VPS35L: variants seen among roughly 807,000 people sequenced by gnomAD.
VPS35L encodes VPS35 endosomal protein sorting factor like.
In VPS35L, 83 loss-of-function variants were observed where a neutral mutation model predicts 133.0. That is an observed-to-expected ratio of 0.62 (90% CI 0.52 to 0.75). The LOEUF (loss-of-function observed/expected upper bound fraction) is 0.75, where lower values mean the gene tolerates loss of function less well. Among genes scored for constraint, VPS35L ranks in the 30% least tolerant of loss-of-function variants. The probability of loss-of-function intolerance (pLI) is 0.00; values close to 1 mark genes in which losing one functional copy is unlikely to be tolerated. For missense variants in VPS35L, 1,083 were observed against 1,206.8 expected (o/e 0.90, Z 1.52); for synonymous variants, 423 against 449.9 (o/e 0.94, Z 0.76).
chr16:19,611,565 G>A (rs1216874113), intron 12 of VPS35L, among the ~76,000 whole-genome samples: 3 of 152,198 alleles, frequency 2.0e-5, no homozygotes, highest in East Asian at 3.9e-4. Flanking sequence ...AGCAAATGTC[G>A]GAAGCCCTGT....
chr16:19,629,008 C>T (rs1321013107), intron 17 of VPS35L, among the ~76,000 whole-genome samples: 1 of 152,072 alleles, frequency 6.6e-6, no homozygotes, highest in African/African-American at 2.4e-5. Flanking sequence ...GTCAGGCTGT[C>T]TCAAATATCT....
chr16:19,555,719 T>G lies in VPS35L; in HGVS notation c.-11T>G. ...GACGGCCCCAGAACAAGCGGTCATG[T>G]GACTGGGAAGATGGCCGTCTTTCCT... On this transcript the variant is annotated 5_prime_UTR_variant, in exon 1 of 31. The change abolishes the stop of an existing upstream ORF in the 5' untranslated region. Transcript: ENST00000417362. The G allele has an allele frequency of 6.2e-7, 1 of 1,600,232 alleles. No individual in the cohort carries two copies. The highest frequency in any genetic ancestry group is 8.5e-7 in the Non-Finnish European group (1 of 1,173,374).
intron 3 of VPS35L, among the ~76,000 whole-genome samples, chr16:19,571,630 T>C (rs779934040): frequency 5.3e-5 from 8 of 152,068 alleles, no homozygotes; most frequent in Admixed American, 1.3e-4. Flanking sequence ...CTGTGACCTC[T>C]GTCTCCTGGG....
At chr16:19,589,719 T>C (rs1183272871) in intron 7 of VPS35L, among the ~76,000 whole-genome samples, 1 of 152,246 alleles carries the variant, frequency 6.6e-6, no homozygotes, top group African/African-American at 2.4e-5. Context: ...ATCTTATTCC[T>C]GTTGTCCTTT....
chr16:19,565,027 G>C, intron 2 of VPS35L, 77 bp downstream of exon 2: 1 of 1,143,012 alleles, frequency 8.7e-7, no homozygotes, highest in Non-Finnish European at 1.3e-6. Context: ...AGTCTTTTCC[G>C]TTTTGCCAGT....
At position 19,628,724 on chromosome 16, in the gene VPS35L, A is replaced by G; in HGVS notation, c.1471A>G (p.Lys491Glu). 6.3e-7 allele frequency: 1 copy of G among 1,590,432 alleles called. No individual in the cohort carries two copies. The highest frequency in any genetic ancestry group is 8.6e-7 in the Non-Finnish European group (1 of 1,164,060). The change falls in exon 17 of 31, where the codon AAA (lysine) becomes GAA (glutamate). Residue 491 changes from lysine to glutamate, a missense_variant. Coordinates refer to ENST00000417362, the MANE Select transcript of VPS35L (RefSeq NM_020314.7). The stretch of plus-strand genomic sequence containing the variant: ...ACTTCAGATTCTCAACGAAGCTTGG[A>G]AAGTCATCACTAAGCTGAAGAACCC... ...DRLQILNEAWKVITKLKNPQD... is the reference protein window; with the variant it reads ...DRLQILNEAWEVITKLKNPQD...
chr16:19,653,855 A>G (rs1272241054), intron 26 of VPS35L, among the ~76,000 whole-genome samples: 1 of 152,162 alleles, frequency 6.6e-6, no homozygotes, highest in African/African-American at 2.4e-5. Context: ...GTCTTCATAC[A>G]TGGTTACTGC....
intron 15 of VPS35L, among the ~76,000 whole-genome samples, chr16:19,626,636 C>G (rs1026121267): frequency 6.6e-6 from 1 of 152,058 alleles, no homozygotes; most frequent in African/African-American, 2.4e-5. Flanking sequence ...GTGGTGTATG[C>G]CTGTAGTCGC....
chr16:19,564,910 CA>C lies in VPS35L; in HGVS notation c.78del (p.Leu27TrpfsTer9). On this transcript the variant is annotated frameshift_variant, in exon 2 of 31. Coordinates refer to ENST00000417362, the MANE Select transcript of VPS35L (RefSeq NM_020314.7). LOFTEE classifies it high-confidence loss of function. ...EFASCRLEAVPLEFGDYHPLK... is the reference protein window; with the variant it reads ...EFASCRLEAVXLEFGDYHPLK... ...GCATCATGCCGACTGGAGGCTGTAC[CA>C]TTGGAGTTTGGGGACTATCACCCTC... 3 of 1,613,592 alleles carry C rather than the reference CA, an allele frequency of 1.9e-6. No homozygotes were observed. The highest frequency in any genetic ancestry group is 2.5e-6 in the Non-Finnish European group (3 of 1,179,642).
chr16:19,574,971 T>C (rs1035875286), intron 4 of VPS35L, 127 bp from the exon 5 acceptor site: 4 of 777,440 alleles, frequency 5.1e-6, no homozygotes, highest in Non-Finnish European at 2.0e-6. Flanking sequence ...CAGTGGTTTT[T>C]AGTGACTGTA....
At chr16:19,668,005 A>G (rs1415467428) in intron 26 of VPS35L, among the ~76,000 whole-genome samples, 1 of 152,114 alleles carries the variant, frequency 6.6e-6, no homozygotes, top group Non-Finnish European at 1.5e-5. Context: ...TTTCTGTGAC[A>G]TGTTTTTTTT....
At chr16:19,651,932 C>G (rs768459015) in intron 25 of VPS35L, 44 bp from the exon 26 acceptor site, 71 of 1,350,274 alleles carry the variant, frequency 5.3e-5, no homozygotes, top group Non-Finnish European at 7.3e-5. Context: ...TATGATTCTG[C>G]CACCGTTGCA....
Position 19,609,033 on chromosome 16 carries a change from C to T in VPS35L, c.929+12C>T, listed in dbSNP as rs374098528. The stretch of plus-strand genomic sequence containing the variant: ...TTCCTCTCCAAAACGTAAGGCTCTT[C>T]GGTAAAATCTAGAACCATAAAATTT... On this transcript the variant is annotated intron_variant, in intron 11 of 30. Transcript: ENST00000417362. The T allele has an allele frequency of 1.7e-5, 27 of 1,611,344 alleles. No homozygotes were observed. Among genetic ancestry groups the T allele is most frequent in the African/African-American group, 1.1e-4 (8 of 74,840 alleles).
At chr16:19,610,688 T>A (rs890974322) in intron 12 of VPS35L, 6 of 295,040 alleles carry the variant, frequency 2.0e-5, no homozygotes, top group Non-Finnish European at 3.7e-5. Flanking sequence ...AGTAATTGTT[T>A]CTCAGTTCTT....
At chr16:19,652,144 A>G (rs200856388) in intron 26 of VPS35L, 54 bp downstream of exon 26, 3 of 1,266,612 alleles carry the variant, frequency 2.4e-6, no homozygotes, top group East Asian at 5.0e-5. Context: ...AGGAAAACTG[A>G]CTCAGGTGTG....
chr16:19,625,111 G>A (rs1973220792), intron 14 of VPS35L, among the ~76,000 whole-genome samples: 1 of 152,148 alleles, frequency 6.6e-6, no homozygotes, highest in Non-Finnish European at 1.5e-5. Context: ...CGGAGGCGGG[G>A]AAAATAGACT....
In VPS35L at chr16:19,680,959, A is replaced by G. The variant is rs1975255084; in HGVS notation, c.2362-1266A>G. ...GGATGATTTGTGATGAAGAGAGAGT[A>G]AGAGGACTGCAGATGGAATGTCAGG... is the stretch of plus-strand genomic sequence containing the variant. On this transcript the variant is annotated intron_variant, in intron 27 of 30. Coordinates refer to ENST00000417362, the MANE Select transcript of VPS35L (RefSeq NM_020314.7). Among the ~76,000 whole-genome samples, 3 of 145,150 alleles carry G rather than the reference A, an allele frequency of 2.1e-5. No homozygotes were observed. The Admixed American group carries it at 2.1e-4, about 10-fold the overall frequency.
At position 19,682,300 on chromosome 16, in the gene VPS35L, A is replaced by G. The variant is rs1375799321; in HGVS notation, c.2437A>G (p.Asn813Asp). Residue 813 changes from asparagine to aspartate, a missense_variant, in exon 28 of 31, where the codon AAC becomes GAC. Asn to Asp is a conservative substitution (Grantham distance 23, BLOSUM62 1). Transcript: ENST00000417362. Reference protein sequence around the residue: ...NVIQDYTWEDNSDEKIRIYTC... With the variant: ...NVIQDYTWEDDSDEKIRIYTC... ...GATCCAGGACTACACCTGGGAGGACAACAGCGATGAGAAAATCCGCATCTA... is the reference window on the plus strand; with the variant it reads ...GATCCAGGACTACACCTGGGAGGACGACAGCGATGAGAAAATCCGCATCTA... 1 of 1,614,066 alleles carries G rather than the reference A, an allele frequency of 6.2e-7. No homozygotes were observed.
chr16:19,575,240 C>T lies in VPS35L; in HGVS notation c.433+118C>T, dbSNP rs185411208. 51 of 929,900 alleles carry T rather than the reference C, an allele frequency of 5.5e-5. No homozygotes were observed. The Admixed American group carries it at 1.1e-3, about 20-fold the overall frequency. 57.6% of individuals were successfully genotyped at this position (929,900 alleles called of 1,614,324 possible). ...CTGATGTTTGATTCAGTTGGAGCTGCTATTTCTTAGATTGTGGATAGACGT... is the reference window on the plus strand; with the variant it reads ...CTGATGTTTGATTCAGTTGGAGCTGTTATTTCTTAGATTGTGGATAGACGT... On this transcript the variant is annotated intron_variant, in intron 5 of 30. Transcript: ENST00000417362.
Sources: allele counts gnomAD v4.1 joint callset (sites outside exome capture counted in the v4.1 genomes callset), GRCh38; gene constraint gnomAD v4.1.1; transcripts MANE v1.5; gene names NCBI Gene and HGNC (gene_info 2026-07-23, HGNC 2026-07-21).